The following MID2 variants were observed in gnomAD, a reference collection of about 807,000 sequenced individuals.
The protein encoded by MID2 is probable E3 ubiquitin-protein ligase MID2.
MID2 carries 13 observed loss-of-function variants against 46.1 expected under a neutral mutation model. The ratio of observed to expected loss-of-function variants is 0.28; its 90% CI spans 0.18 to 0.45. The LOEUF is 0.45. MID2 is among the 20% of genes least tolerant of loss of function. The pLI is 1.00. For synonymous variants in MID2, 199 were observed against 212.3 expected, an observed-to-expected ratio of 0.94 and a Z score of 0.55; for missense variants, 431 against 575.4, an observed-to-expected ratio of 0.75 and a Z score of 2.57.
chrX:107,829,590 T>C (rs1158234844), intron 1 of MID2, among the ~76,000 whole-genome samples: 1 of 112,199 alleles, frequency 8.9e-6, no homozygotes, highest in African/African-American at 3.2e-5. Flanking sequence ...GTCAACAATA[T>C]TAAGCACCTA....
At chrX:107,832,984 C>T (rs1043817170) in intron 1 of MID2, among the ~76,000 whole-genome samples, 2 of 111,657 alleles carry the variant, frequency 1.8e-5, no homozygotes, top group African/African-American at 6.5e-5. Context: ...CTTTAGTTGT[C>T]CTCTGGAACA....
chrX:107,894,578 A>G (rs777743775), intron 3 of MID2: 1 of 112,099 alleles, frequency 8.9e-6, no homozygotes, highest in Non-Finnish European at 1.9e-5. Context: ...AATGTAACAT[A>G]GTATACAATA....
intron 3 of MID2, among the ~76,000 whole-genome samples, chrX:107,870,719 C>T (rs755522384): frequency 8.5e-5 from 9 of 106,202 alleles, no homozygotes; most frequent in Non-Finnish European, 1.5e-4. Context: ...TAAGTTTTCA[C>T]GCCATGGAAA....
chrX:107,843,581 A>C, intron 2 of MID2, among the ~76,000 whole-genome samples: 1 of 111,587 alleles, frequency 9.0e-6, no homozygotes, highest in South Asian at 3.8e-4. Context: ...GAGAGTGGAA[A>C]ATGAATCATT....
intron 3 of MID2, among the ~76,000 whole-genome samples, chrX:107,884,641 C>A (rs1227172315): frequency 1.8e-5 from 2 of 111,606 alleles, no homozygotes; most frequent in Non-Finnish European, 3.8e-5. Flanking sequence ...GGTGGTTTTC[C>A]TCAAAAATAA....
intron 3 of MID2, among the ~76,000 whole-genome samples, chrX:107,891,076 G>A (rs778404506): frequency 9.1e-6 from 1 of 110,074 alleles, no homozygotes; most frequent in Non-Finnish European, 1.9e-5. Context: ...GTGAGGCGAT[G>A]CCTCACCCTG....
chrX:107,890,022 A>AT (rs1234659258), intron 3 of MID2, among the ~76,000 whole-genome samples: 1 of 110,565 alleles, frequency 9.0e-6, no homozygotes, highest in Non-Finnish European at 1.9e-5. Flanking sequence ...CATTCATGTA[A>AT]TTTTTTTTCA....
chrX:107,927,190 A>G lies in MID2; in HGVS notation c.*117A>G. The G allele has an allele frequency of 1.4e-5, 8 of 578,133 alleles. No individual in the cohort carries two copies. Among genetic ancestry groups the G allele is most frequent in the Non-Finnish European group, 1.8e-5 (7 of 390,376 alleles). 47.6% of individuals were successfully genotyped at this position (578,133 alleles called of 1,213,427 possible). A position where few individuals can be genotyped will look rare whatever the true frequency, so the allele number is the denominator to read the frequency against. On this transcript the variant is annotated 3_prime_UTR_variant, in exon 10 of 10. Coordinates refer to ENST00000262843, the MANE Select transcript of MID2 (RefSeq NM_012216.4). Reference sequence around the variant, plus strand: ...ATAAAGTTTGTTTGAAGCATCCAAAATAACTAGATATTGCAGATTTAATTT... The same window carrying G: ...ATAAAGTTTGTTTGAAGCATCCAAAGTAACTAGATATTGCAGATTTAATTT...
At chrX:107,900,016 GTA>G (rs1286273497) in intron 3 of MID2, among the ~76,000 whole-genome samples, 1 of 111,952 alleles carries the variant, frequency 8.9e-6, no homozygotes, top group African/African-American at 3.2e-5. Context: ...TTTCCCTGAA[GTA>G]TTTCCTGTTC....
rs1241258552 is a variant in MID2 at position 107,826,030 on chromosome X, G to GC, written c.-392dup. 6.9e-6 allele frequency: 2 copies of GC among 290,605 alleles called. No homozygotes were observed. Among genetic ancestry groups the GC allele is most frequent in the African/African-American group, 5.5e-5 (2 of 36,056 alleles). The allele number at this position is 290,605 out of a possible 1,213,427, so 23.9% of individuals were successfully genotyped here. A position where few individuals can be genotyped will look rare whatever the true frequency, so the allele number is the denominator to read the frequency against. On this transcript the variant is annotated 5_prime_UTR_variant, in exon 1 of 10. Coordinates refer to ENST00000262843, the MANE Select transcript of MID2 (RefSeq NM_012216.4). ...TGGGGTGTCAGCCCCAGCCCCGTTT[G>GC]CCCCCACTCCGCCTCCCTTTTGGAA...
intron 7 of MID2, among the ~76,000 whole-genome samples, chrX:107,921,405 T>C (rs1208642863): frequency 9.0e-6 from 1 of 111,525 alleles, no homozygotes; most frequent in Non-Finnish European, 1.9e-5. Context: ...ATTTATTCAC[T>C]GTAGTTGCTA....
In MID2 at chrX:107,926,981, G is replaced by A; in HGVS notation, c.2116G>A (p.Ala706Thr). The change falls in exon 10 of 10, where the codon GCC becomes ACC. Residue 706 changes from alanine to threonine, a missense_variant. Coordinates refer to ENST00000262843, the MANE Select transcript of MID2 (RefSeq NM_012216.4). ...CCTAATGATCCTGTCTGGCTTGCCT[G>A]CCCCAGATTTTATTGATTACCCTGA... ...KSLMILSGLP[A>T]PDFIDYPERQ... is the part of the protein sequence containing the mutation. The A allele has an allele frequency of 8.3e-7, 1 of 1,210,814 alleles. No individual in the cohort carries two copies. The highest frequency in any genetic ancestry group is 1.1e-6 in the Non-Finnish European group (1 of 894,854).
chrX:107,930,631 G>T lies in MID2; in HGVS notation c.*3558G>T, dbSNP rs1031134108. On this transcript the variant is annotated 3_prime_UTR_variant, in exon 10 of 10. Coordinates refer to ENST00000262843, the MANE Select transcript of MID2 (RefSeq NM_012216.4). Reference sequence around the variant, plus strand: ...GTGACAAAGTACTTAGTGGGGGTGCGATGGGCCCCAGATATTTACTTCAGT... The same window carrying T: ...GTGACAAAGTACTTAGTGGGGGTGCTATGGGCCCCAGATATTTACTTCAGT... Among the ~76,000 whole-genome samples the T allele has an allele frequency of 8.9e-6, 1 of 111,949 alleles. No homozygotes were observed. The highest frequency in any genetic ancestry group is 1.9e-5 in the Non-Finnish European group (1 of 53,117).
intron 3 of MID2, among the ~76,000 whole-genome samples, chrX:107,902,104 A>C (rs1485300511): frequency 8.9e-6 from 1 of 111,875 alleles, no homozygotes. Flanking sequence ...TAACTGTGTA[A>C]CCTTAAGCAA....
chrX:107,889,335 G>A (rs1932541368), intron 3 of MID2, among the ~76,000 whole-genome samples: 1 of 111,612 alleles, frequency 9.0e-6, no homozygotes, highest in African/African-American at 3.3e-5. Flanking sequence ...CAATCTCTCA[G>A]CATTTGCTCA....
intron 1 of MID2, among the ~76,000 whole-genome samples, chrX:107,831,573 C>G (rs1931091205): frequency 8.9e-6 from 1 of 111,890 alleles, no homozygotes; most frequent in Admixed American, 9.4e-5. Flanking sequence ...CCATGTGGTT[C>G]CCAGGGAAGT....
intron 1 of MID2, among the ~76,000 whole-genome samples, chrX:107,833,581 GA>G (rs772735259): frequency 2.8e-5 from 3 of 108,505 alleles, no homozygotes; most frequent in South Asian, 4.0e-4. Flanking sequence ...AGACCCGGAA[GA>G]AAAAAAATTA....
chrX:107,826,211 G>C lies in MID2; in HGVS notation c.-216G>C, dbSNP rs1198563516. The C allele has an allele frequency of 2.8e-5, 9 of 317,388 alleles. No homozygotes were observed. Among genetic ancestry groups the C allele is most frequent in the African/African-American group, 2.5e-4 (9 of 36,551 alleles). The allele number at this position is 317,388 out of a possible 1,213,427, so 26.2% of individuals were successfully genotyped here. A position where few individuals can be genotyped will look rare whatever the true frequency, so the allele number is the denominator to read the frequency against. ...TCGCGGCCGCCGTGCTGTCCCCTGC[G>C]GGGCGCGCGGGCTGGCGGATCCCGG... On this transcript the variant is annotated 5_prime_UTR_variant, in exon 1 of 10. Coordinates refer to ENST00000262843, the MANE Select transcript of MID2 (RefSeq NM_012216.4).
chrX:107,902,265 G>A (rs952126526), intron 3 of MID2, among the ~76,000 whole-genome samples: 4 of 111,947 alleles, frequency 3.6e-5, no homozygotes, highest in South Asian at 3.7e-4. Flanking sequence ...AGGCTAGTCC[G>A]AGGATTACAT....
Sources: allele counts gnomAD v4.1 joint callset (sites outside exome capture counted in the v4.1 genomes callset), GRCh38; gene constraint gnomAD v4.1.1; transcripts MANE v1.5; gene names NCBI Gene and HGNC (gene_info 2026-07-23, HGNC 2026-07-21).